The following ZNF451 variants were observed in gnomAD, a reference collection of about 807,000 sequenced individuals.
The protein encoded by ZNF451 is zinc finger protein 451.
A neutral mutation model predicts 107.1 loss-of-function variants in ZNF451; 80 were observed. The observed-to-expected ratio is 0.75, with a 90% CI of 0.62 to 0.90. ZNF451 has a LOEUF of 0.90. Ranked by LOEUF, ZNF451 falls within the 40% of genes least tolerant of loss-of-function variation. The pLI is 0.00. For missense variants in ZNF451, 1,107 were observed against 1,236.2 expected (o/e 0.90, Z 1.57); for synonymous variants, 362 against 406.5 (o/e 0.89, Z 1.32).
intron 3 of ZNF451, among the ~76,000 whole-genome samples, chr6:57,119,224 T>C (rs189081846): frequency 6.4e-4 from 98 of 152,306 alleles, no homozygotes; most frequent in African/African-American, 2.1e-3. Context: ...CCAATCATTC[T>C]GGTAGAAAAA....
intron 7 of ZNF451, among the ~76,000 whole-genome samples, chr6:57,139,240 C>T (rs1375790907): frequency 6.6e-6 from 1 of 152,042 alleles, no homozygotes; most frequent in Non-Finnish European, 1.5e-5. Context: ...GCATATAATT[C>T]ATAACCAAGA....
intron 14 of ZNF451, chr6:57,165,580 G>A (rs1039392787): frequency 5.3e-5 from 8 of 152,124 alleles, no homozygotes; most frequent in African/African-American, 1.9e-4. Context: ...TTTCATTTTA[G>A]TTATTGTACT....
intron 13 of ZNF451, chr6:57,158,419 A>T (rs538202893): frequency 1.4e-6 from 1 of 728,708 alleles, no homozygotes; most frequent in East Asian, 1.3e-4. Context: ...TTAAAAAGTA[A>T]AGTGATTATA....
chr6:57,131,368 C>T (rs1831170805), intron 5 of ZNF451, among the ~76,000 whole-genome samples: 1 of 152,068 alleles, frequency 6.6e-6, no homozygotes, highest in Non-Finnish European at 1.5e-5. Context: ...CACCCCTCCA[C>T]CCAGAAATTG....
At chr6:57,156,087 C>G (rs1763410424) in intron 13 of ZNF451, among the ~76,000 whole-genome samples, 1 of 151,972 alleles carries the variant, frequency 6.6e-6, no homozygotes. Flanking sequence ...GTGTCTAGCA[C>G]AGTATATAAA....
chr6:57,149,597 A>G (rs1459261659), intron 10 of ZNF451, among the ~76,000 whole-genome samples: 1 of 152,198 alleles, frequency 6.6e-6, no homozygotes, highest in Admixed American at 6.5e-5. Context: ...TATACAATGT[A>G]GCATATTTGG....
rs146255803 is a variant in ZNF451 at position 57,152,036 on chromosome 6, C to T, written c.2753-185C>T. On this transcript the variant is annotated intron_variant, in intron 11 of 14. Transcript: ENST00000370706. ...AGTTGACAGATTCAGGGAAGTTGGT[C>T]CACTTTCTCAAGACTTTAAAGCAAC... The T allele has an allele frequency of 9.2e-4, 461 of 499,524 alleles. 1 individual carries two copies. Among genetic ancestry groups the T allele is most frequent in the African/African-American group, 8.2e-3 (424 of 51,570 alleles). The allele number at this position is 499,524 out of a possible 1,614,324, so 30.9% of individuals were successfully genotyped here. A position where few individuals can be genotyped will look rare whatever the true frequency, so the allele number is the denominator to read the frequency against.
Position 57,142,036 on chromosome 6 carries a change from T to G in ZNF451, c.945T>G (p.Val315=). The G allele has an allele frequency of 6.2e-7, 1 of 1,614,116 alleles. No individual in the cohort carries two copies. The highest frequency in any genetic ancestry group is 8.5e-7 in the Non-Finnish European group (1 of 1,179,962). ...TGTGCAAAGATGTTCCCTTTCAAGT[T>G]AAGTGTGTGGCCTGCCACAAGACAC... ...ISLCKDVPFQ[V]KCVACHKTLR... Residue 315 remains valine, a synonymous_variant, in exon 9 of 15, where the codon GTT becomes GTG. Transcript: ENST00000370706.
intron 4 of ZNF451, among the ~76,000 whole-genome samples, chr6:57,126,184 A>G (rs180884016): frequency 7.7e-4 from 117 of 152,254 alleles, no homozygotes; most frequent in Non-Finnish European, 1.3e-3. Flanking sequence ...CATTTTATTA[A>G]ATACTTTACA....
intron 3 of ZNF451, among the ~76,000 whole-genome samples, chr6:57,123,200 A>G (rs539618848): frequency 1.3e-5 from 2 of 152,312 alleles, no homozygotes; most frequent in Admixed American, 1.3e-4. Flanking sequence ...CACCAAAAAG[A>G]CACATGTATG....
chr6:57,142,930 CAA>C (rs1831844593), intron 9 of ZNF451, among the ~76,000 whole-genome samples: 2 of 152,078 alleles, frequency 1.3e-5, no homozygotes, highest in African/African-American at 2.4e-5. Context: ...TCTTGATAAA[CAA>C]TGATGTTGGG....
intron 7 of ZNF451, among the ~76,000 whole-genome samples, chr6:57,138,792 A>AATT (rs1562615814): frequency 3.9e-5 from 3 of 77,624 alleles, no homozygotes; most frequent in Non-Finnish European, 7.2e-5. Context: ...TATATATAAA[A>AATT]TTTTTTTTTT....
At chr6:57,145,072 T>C (rs1831995618) in intron 9 of ZNF451, among the ~76,000 whole-genome samples, 1 of 152,252 alleles carries the variant, frequency 6.6e-6, no homozygotes, top group Admixed American at 6.5e-5. Flanking sequence ...ACATATTTTG[T>C]ACAGTTTTTT....
chr6:57,107,365 T>C (rs1829911543), intron 3 of ZNF451: 1 of 984,388 alleles, frequency 1.0e-6, no homozygotes, highest in Non-Finnish European at 1.2e-6. Context: ...TAAAGCATTA[T>C]TAGAAGAGAT....
rs1365084616 is a variant in ZNF451 at position 57,138,741 on chromosome 6, A to ATATG, written c.703-2560_703-2559insATGT. ...TATATATATATATATATATATATAT[A>ATATG]TGTGTGTGTGTGTGTGTGTGTGTGT... On this transcript the variant is annotated intron_variant, in intron 7 of 14. Transcript: ENST00000370706. 5.7e-3 allele frequency among the ~76,000 whole-genome samples: 267 copies of ATATG among 46,552 alleles called. 1 individual carries two copies. The highest frequency in any genetic ancestry group is 7.0e-3 in the Non-Finnish European group (194 of 27,824). The allele number at this position is 46,552 out of a possible 152,430, so 30.5% of individuals were successfully genotyped here. A position where few individuals can be genotyped will look rare whatever the true frequency, so the allele number is the denominator to read the frequency against.
intron 7 of ZNF451, among the ~76,000 whole-genome samples, chr6:57,138,870 G>A (rs1032097197): frequency 4.1e-5 from 6 of 147,416 alleles, no homozygotes; most frequent in Non-Finnish European, 7.4e-5. Flanking sequence ...CTCCTTAAGT[G>A]CTGGGATTAC....
At chr6:57,151,922 A>C (rs138633655) in intron 11 of ZNF451, 2 of 227,074 alleles carry the variant, frequency 8.8e-6, no homozygotes, top group East Asian at 1.0e-4. Context: ...AAAACCACTT[A>C]TGCTTACACT....
intron 4 of ZNF451, among the ~76,000 whole-genome samples, chr6:57,127,674 T>C (rs1830993601): frequency 6.6e-6 from 1 of 152,200 alleles, no homozygotes; most frequent in African/African-American, 2.4e-5. Flanking sequence ...TTATATATCC[T>C]TGGGCAATTT....
intron 3 of ZNF451, among the ~76,000 whole-genome samples, chr6:57,114,028 G>C (rs1008361531): frequency 6.6e-6 from 1 of 152,122 alleles, no homozygotes; most frequent in African/African-American, 2.4e-5. Context: ...CAAGAAATAG[G>C]CATTTGTAGA....
Sources: gnomAD v4.1 joint callset for allele counts (sites outside exome capture counted in the v4.1 genomes callset) on GRCh38, gnomAD v4.1.1 for gene constraint, MANE v1.5 for transcripts, NCBI Gene and HGNC (gene_info 2026-07-23, HGNC 2026-07-21) for gene names.